The following DAB2IP variants were observed in gnomAD, a reference collection of about 807,000 sequenced individuals.
The protein encoded by DAB2IP is disabled homolog 2-interacting protein.
Under a neutral mutation model 107.2 loss-of-function variants are expected in DAB2IP, and 28 were observed. That is an observed-to-expected ratio of 0.26 (90% CI 0.19 to 0.36). DAB2IP has a LOEUF of 0.36. Ranked by LOEUF, DAB2IP falls within the 10% of genes least tolerant of loss-of-function variation. The pLI is 1.00. For missense variants in DAB2IP, 1,400 were observed against 1,644.7 expected (o/e 0.85, Z 2.57); for synonymous variants, 755 against 706.4 (o/e 1.07, Z -1.09).
At chr9:121,583,820 G>A (rs878708) in intron 1 of DAB2IP, among the ~76,000 whole-genome samples, 58,547 of 152,038 alleles carry the variant, frequency 0.39, 11,607 homozygotes, top group East Asian at 0.57. Context: ...AGAAGTTGGC[G>A]TGTAGGAGAC....
At chr9:121,756,252 T>A (rs2118952483) in intron 3 of DAB2IP, among the ~76,000 whole-genome samples, 1 of 152,316 alleles carries the variant, frequency 6.6e-6, no homozygotes, top group South Asian at 2.1e-4. Flanking sequence ...GGAGAACGAT[T>A]TCCCCAGGGC....
intron 1 of DAB2IP, among the ~76,000 whole-genome samples, chr9:121,644,401 AG>A (rs953476205): frequency 9.2e-5 from 14 of 152,164 alleles, no homozygotes; most frequent in Admixed American, 9.2e-4. Flanking sequence ...GTTCGAGACC[AG>A]CCTGGCCAAC....
intron 2 of DAB2IP, among the ~76,000 whole-genome samples, chr9:121,686,192 C>G (rs1828871564): frequency 6.6e-6 from 1 of 152,198 alleles, no homozygotes; most frequent in South Asian, 2.1e-4. Flanking sequence ...CCAACCCCCC[C>G]AACATCTGTG....
rs1282353045 is a variant in DAB2IP, at chr9:121,662,197, A to G, written c.124+10298A>G. On this transcript the variant is annotated intron_variant, in intron 1 of 15. Transcript: ENST00000408936. This position sits in a 1 kb window ranked among gnomAD's most constrained non-coding sequence, Gnocchi z 4.6. ...AGAACAGAAAAGCATAGAAAATAAT[A>G]TTGCAGACACCCACCTCTCAGGTTG... Among the ~76,000 whole-genome samples the G allele has an allele frequency of 6.6e-6, 1 of 152,192 alleles. No homozygotes were observed. Among genetic ancestry groups the G allele is most frequent in the Non-Finnish European group, 1.5e-5 (1 of 68,032 alleles).
At chr9:121,567,364 G>A in intron 1 of DAB2IP, 1 of 1,272,076 alleles carries the variant, frequency 7.9e-7, no homozygotes, top group Non-Finnish European at 1.1e-6. Context: ...TGGGACCCAT[G>A]GGTGGGCATG....
intron 1 of DAB2IP, among the ~76,000 whole-genome samples, chr9:121,641,881 CCA>C (rs1348064876): frequency 8.9e-6 from 1 of 112,560 alleles, no homozygotes; most frequent in Non-Finnish European, 1.7e-5. Context: ...TTCTTTCTGT[CCA>C]TTTCTTTCCC....
chr9:121,707,109 T>C (rs72770696), intron 3 of DAB2IP, among the ~76,000 whole-genome samples: 3,791 of 152,296 alleles, frequency 0.025, 62 homozygotes, highest in Non-Finnish European at 0.037. Flanking sequence ...GTTATCCCCT[T>C]GTAGACCTCA....
At chr9:121,697,593 C>T (rs2118719415) in intron 2 of DAB2IP, among the ~76,000 whole-genome samples, 1 of 152,310 alleles carries the variant, frequency 6.6e-6, no homozygotes, top group South Asian at 2.1e-4. Context: ...TGGGTCATGC[C>T]TCTGGAGAAG....
chr9:121,654,362 C>T (rs1366612897), intron 1 of DAB2IP, among the ~76,000 whole-genome samples: 1 of 152,122 alleles, frequency 6.6e-6, no homozygotes, highest in Non-Finnish European at 1.5e-5. Flanking sequence ...GAGGCCAAGG[C>T]AGGAGGAATC....
intron 1 of DAB2IP, among the ~76,000 whole-genome samples, chr9:121,669,937 C>T (rs1833609107): frequency 6.6e-6 from 1 of 152,114 alleles, no homozygotes; most frequent in South Asian, 2.1e-4. Context: ...ACATTGGTAC[C>T]ATGCCTGCGT....
At chr9:121,643,047 T>C (rs976211211) in intron 1 of DAB2IP, among the ~76,000 whole-genome samples, 1 of 151,906 alleles carries the variant, frequency 6.6e-6, no homozygotes, top group Non-Finnish European at 1.5e-5. Flanking sequence ...CATTCAGAGA[T>C]TGAAAAGTTA....
intron 2 of DAB2IP, among the ~76,000 whole-genome samples, chr9:121,689,392 T>A (rs1829048274): frequency 6.6e-6 from 1 of 151,636 alleles, no homozygotes; most frequent in South Asian, 2.1e-4. Context: ...AGATGGTAAA[T>A]CACCCAGGAG....
intron 3 of DAB2IP, among the ~76,000 whole-genome samples, chr9:121,714,272 G>A (rs1830479786): frequency 6.6e-6 from 1 of 152,188 alleles, no homozygotes; most frequent in South Asian, 2.1e-4. Flanking sequence ...ATATTCTGTG[G>A]TCTGCCTAAT....
chr9:121,642,011 C>T lies in DAB2IP; in HGVS notation c.41-36667C>T, dbSNP rs1475185419. 2.3e-4 allele frequency among the ~76,000 whole-genome samples: 6 copies of T among 25,690 alleles called. 1 individual carries two copies. Among genetic ancestry groups the T allele is most frequent in the Admixed American group, 5.3e-4 (1 of 1,890 alleles). 16.9% of individuals were successfully genotyped at this position (25,690 alleles called of 152,430 possible). A position where few individuals can be genotyped will look rare whatever the true frequency, so the allele number is the denominator to read the frequency against. On this transcript the variant is annotated intron_variant, in intron 1 of 16. Coordinates refer to the DAB2IP transcript ENST00000259371. ...TTCTTTCCTTTCTCTCTCTCTCTCT[C>T]TCTCTCTCTCTCTCTCTCTCTTTCT... is the stretch of plus-strand genomic sequence containing the variant.
chr9:121,655,390 T>A (rs923029689), intron 1 of DAB2IP, among the ~76,000 whole-genome samples: 2 of 152,114 alleles, frequency 1.3e-5, no homozygotes, highest in African/African-American at 4.8e-5. Context: ...TAGCCCTGGA[T>A]AAAGTTCTGA....
At chr9:121,606,726 G>C (rs551542847) in intron 1 of DAB2IP, among the ~76,000 whole-genome samples, 11 of 152,112 alleles carry the variant, frequency 7.2e-5, no homozygotes, top group Admixed American at 1.3e-4. Context: ...TCAGGCAGTG[G>C]GGGGTGAGGG....
intron 3 of DAB2IP, among the ~76,000 whole-genome samples, chr9:121,709,947 A>G (rs757146739): frequency 2.6e-4 from 40 of 152,176 alleles, no homozygotes; most frequent in Non-Finnish European, 4.3e-4. Flanking sequence ...CCTATGCGCC[A>G]GGCCCTGCTC....
chr9:121,597,712 G>A (rs185212496), intron 1 of DAB2IP, among the ~76,000 whole-genome samples: 6 of 152,278 alleles, frequency 3.9e-5, no homozygotes, highest in Admixed American at 3.3e-4. Flanking sequence ...TAAAACTGAG[G>A]CAGAAGGTAA....
intron 1 of DAB2IP, among the ~76,000 whole-genome samples, chr9:121,604,877 C>T (rs1384274120): frequency 1.3e-5 from 2 of 152,202 alleles, no homozygotes; most frequent in Non-Finnish European, 2.9e-5. Context: ...CTCCAACTGC[C>T]GTGCCTGCAC....
Sources: gnomAD v4.1 joint callset for allele counts (sites outside exome capture counted in the v4.1 genomes callset) on GRCh38, gnomAD v4.1.1 for gene constraint, Gnocchi (gnomAD v3.1) non-coding constraint, MANE v1.5 for transcripts, NCBI Gene and HGNC (gene_info 2026-07-23, HGNC 2026-07-21) for gene names.